Variants in NBAS observed in about 807,000 individuals in gnomAD.
The protein encoded by NBAS is NAG/BC035112 fusion.
Under a neutral mutation model 302.5 loss-of-function variants are expected in NBAS, and 219 were observed. The ratio of observed to expected loss-of-function variants is 0.72; its 90% confidence interval spans 0.65 to 0.81. The LOEUF is 0.81. Ranked by LOEUF, NBAS falls within the 30% of genes least tolerant of loss-of-function variation. The pLI is 0.00. For synonymous variants in NBAS, 1,118 were observed against 1,021.6 expected (o/e 1.09, Z -1.80); for missense variants, 2,932 against 2,841.6 (o/e 1.03, Z -0.72).
At chr2:15,211,126 C>T (rs765108405) in intron 48 of NBAS, among the ~76,000 whole-genome samples, 50 of 152,110 alleles carry the variant, frequency 3.3e-4, no homozygotes, top group Non-Finnish European at 5.7e-4. Flanking sequence ...AAAAGTATAA[C>T]TTAGATTGTT....
chr2:15,016,486 T>C, the NBAS span, among the ~76,000 whole-genome samples: 284 of 152,180 alleles, frequency 1.9e-3, 6 homozygotes, highest in African/African-American at 6.6e-3. Flanking sequence ...TATAAAAGAA[T>C]GGAAAGATAT....
chr2:14,994,043 A>G, the NBAS span, among the ~76,000 whole-genome samples: 1 of 152,230 alleles, frequency 6.6e-6, no homozygotes, highest in Non-Finnish European at 1.5e-5. Flanking sequence ...TATCTCTATC[A>G]TGTACCTAGC....
At chr2:15,227,027 T>G (rs2147911315) in intron 47 of NBAS, among the ~76,000 whole-genome samples, 1 of 152,300 alleles carries the variant, frequency 6.6e-6, no homozygotes, top group East Asian at 1.9e-4. Flanking sequence ...TCTCATTAAG[T>G]ATGATGCTAT....
chr2:14,951,981 T>G, the NBAS span, among the ~76,000 whole-genome samples: 5 of 152,228 alleles, frequency 3.3e-5, no homozygotes, highest in Admixed American at 3.3e-4. Context: ...TTCATTTCAT[T>G]GGTGGGGGAG....
chr2:15,091,689 T>C, the NBAS span, among the ~76,000 whole-genome samples: 63,435 of 151,882 alleles, frequency 0.42, 13,631 homozygotes, highest in African/African-American at 0.52. Flanking sequence ...CCTGCCACCA[T>C]ACCTGGCTAA....
the NBAS span, among the ~76,000 whole-genome samples, chr2:14,877,356 GTA>G: frequency 6.6e-6 from 1 of 152,154 alleles, no homozygotes; most frequent in Non-Finnish European, 1.5e-5. Flanking sequence ...ATCTAGTTCA[GTA>G]TGTTTTCTCC....
At chr2:15,412,991 C>T (rs900028189) in intron 25 of NBAS, among the ~76,000 whole-genome samples, 1 of 152,250 alleles carries the variant, frequency 6.6e-6, no homozygotes, top group African/African-American at 2.4e-5. Context: ...CTGCAACTGA[C>T]ACTTACCAGT....
intron 45 of NBAS, among the ~76,000 whole-genome samples, chr2:15,235,018 G>A (rs187283909): frequency 9.6e-4 from 146 of 152,292 alleles, no homozygotes; most frequent in Admixed American, 2.5e-3. Context: ...AAATAGGGTC[G>A]TGTGAATAGA....
rs1414932717 is a variant in NBAS, at chr2:15,322,213, G to A, written c.4582+5537C>T. Among the ~76,000 whole-genome samples, 7 of 109,846 alleles carry A rather than the reference G, an allele frequency of 6.4e-5. No homozygotes were observed. The East Asian group carries it at 2.1e-3, about 33-fold the overall frequency. The allele number at this position is 109,846 out of a possible 152,430, so 72.1% of individuals were successfully genotyped here. On this transcript the variant is annotated intron_variant, in intron 38 of 51. Coordinates refer to ENST00000281513, the MANE Select transcript of NBAS (RefSeq NM_015909.4). ...TGAGAACACTTGGACACAGGGCGGG[G>A]AACATCACACATCAGGACCTGTCAG...
the NBAS span, among the ~76,000 whole-genome samples, chr2:15,021,558 A>G: frequency 6.6e-6 from 1 of 152,190 alleles, no homozygotes; most frequent in African/African-American, 2.4e-5. Context: ...AGGTGTGGGC[A>G]CCAGCTGTCT....
the NBAS span, among the ~76,000 whole-genome samples, chr2:14,857,059 G>A: frequency 6.6e-6 from 1 of 152,176 alleles, no homozygotes; most frequent in Non-Finnish European, 1.5e-5. Flanking sequence ...GTAGTACCAT[G>A]TACAACATTC....
intron 10 of NBAS, among the ~76,000 whole-genome samples, chr2:15,504,877 T>C (rs1661767473): frequency 6.6e-6 from 1 of 152,056 alleles, no homozygotes; most frequent in South Asian, 2.1e-4. Flanking sequence ...CACAAAAGAA[T>C]GAAAACAAGC....
At chr2:14,839,121 C>T in the NBAS span, among the ~76,000 whole-genome samples, 44,599 of 151,592 alleles carry the variant, frequency 0.29, 7,131 homozygotes, top group East Asian at 0.4. Flanking sequence ...ATATACAGCA[C>T]CAAGATTATA....
At chr2:14,779,788 C>T in the NBAS span, among the ~76,000 whole-genome samples, 1 of 152,118 alleles carries the variant, frequency 6.6e-6, no homozygotes. Flanking sequence ...AGATTTTTGT[C>T]TTTTTTGTTC....
At chr2:14,846,289 A>C in the NBAS span, among the ~76,000 whole-genome samples, 1 of 152,166 alleles carries the variant, frequency 6.6e-6, no homozygotes, top group Non-Finnish European at 1.5e-5. Flanking sequence ...AAACTTATAG[A>C]AAACCTATTA....
chr2:15,002,349 G>A, the NBAS span, among the ~76,000 whole-genome samples: 2 of 152,070 alleles, frequency 1.3e-5, no homozygotes, highest in Non-Finnish European at 2.9e-5. Flanking sequence ...CAAACCCTGA[G>A]CTAGACACAG....
chr2:15,261,928 A>G (rs1029057970), intron 44 of NBAS, among the ~76,000 whole-genome samples: 1 of 152,192 alleles, frequency 6.6e-6, no homozygotes, highest in Non-Finnish European at 1.5e-5. Flanking sequence ...TTATAGCAAA[A>G]TCAAATGTTG....
At chr2:15,393,723 A>G in intron 28 of NBAS, 4 of 470,698 alleles carry the variant, frequency 8.5e-6, no homozygotes, top group Non-Finnish European at 1.8e-5. Context: ...GAAGTGGTAA[A>G]CAGGCTGTGA....
intron 9 of NBAS, among the ~76,000 whole-genome samples, chr2:15,519,683 G>A (rs903831814): frequency 2.0e-5 from 3 of 152,066 alleles, no homozygotes; most frequent in Admixed American, 6.6e-5. Context: ...AGGTGCAAAT[G>A]ACCTTCCTGC....
Sources: gnomAD v4.1 joint callset for allele counts (sites outside exome capture counted in the v4.1 genomes callset) on GRCh38, gnomAD v4.1.1 for gene constraint, MANE v1.5 for transcripts, NCBI Gene and HGNC (gene_info 2026-07-23, HGNC 2026-07-21) for gene names.